MYO18B: variants seen among roughly 807,000 people sequenced by gnomAD.
MYO18B encodes the protein myosin XVIIIB.
In MYO18B, 204 loss-of-function variants were observed where a neutral mutation model predicts 273.0. The observed-to-expected ratio is 0.75, with a 90% CI of 0.67 to 0.84. The LOEUF (loss-of-function observed/expected upper bound fraction) is 0.84, where lower values mean the gene tolerates loss of function less well. MYO18B is among the 40% of genes least tolerant of loss of function. MYO18B has a pLI of 0.00. For missense variants in MYO18B, 3,212 were observed against 3,287.6 expected (o/e 0.98, Z 0.56); for synonymous variants, 1,330 against 1,305.7 (o/e 1.02, Z -0.40).
intron 33 of MYO18B, 76 bp downstream of exon 33, chr22:25,911,126 C>T: frequency 3.7e-6 from 4 of 1,072,538 alleles, no homozygotes; most frequent in Non-Finnish European, 5.6e-6. Context: ...ATGGAGAGAA[C>T]AGCCTGAGGG....
At chr22:25,821,742 A>G (rs2089289644) in intron 12 of MYO18B, among the ~76,000 whole-genome samples, 1 of 152,184 alleles carries the variant, frequency 6.6e-6, no homozygotes, top group Non-Finnish European at 1.5e-5. Context: ...GTGCCACTGC[A>G]CTCCAGCCTG....
intron 40 of MYO18B, among the ~76,000 whole-genome samples, chr22:26,000,243 C>T (rs1933824987): frequency 6.6e-6 from 1 of 151,710 alleles, no homozygotes; most frequent in Non-Finnish European, 1.5e-5. Flanking sequence ...AAACGTCCTC[C>T]TTATTGTAGA....
chr22:25,889,923 C>T (rs2091612190), intron 25 of MYO18B, among the ~76,000 whole-genome samples: 1 of 152,340 alleles, frequency 6.6e-6, no homozygotes, highest in African/African-American at 2.4e-5. Flanking sequence ...TCCTAATATA[C>T]AACCGTATGA....
At chr22:26,003,509 T>C (rs1436122229) in intron 41 of MYO18B, among the ~76,000 whole-genome samples, 200 bp downstream of exon 41, 1 of 152,204 alleles carries the variant, frequency 6.6e-6, no homozygotes, top group East Asian at 1.9e-4. Context: ...GAAAGAAGCC[T>C]ATGCCTTCTC....
chr22:25,786,158 A>C (rs568128217), intron 11 of MYO18B, among the ~76,000 whole-genome samples: 1 of 152,316 alleles, frequency 6.6e-6, no homozygotes, highest in African/African-American at 2.4e-5. Context: ...GTGTTGTGTT[A>C]GGTGTATGTT....
At chr22:25,971,657 T>C (rs1180060625) in intron 39 of MYO18B, among the ~76,000 whole-genome samples, 3 of 152,218 alleles carry the variant, frequency 2.0e-5, no homozygotes, top group Admixed American at 1.3e-4. Context: ...TGCCTTCCTG[T>C]GTTCAGACTA....
intron 1 of MYO18B, among the ~76,000 whole-genome samples, chr22:25,752,373 G>T (rs193127707): frequency 6.6e-6 from 1 of 151,014 alleles, no homozygotes; most frequent in African/African-American, 2.4e-5. Context: ...ATTTTTAGTA[G>T]AGACGGGGTT....
chr22:26,018,327 C>T (rs1935544193), intron 42 of MYO18B, among the ~76,000 whole-genome samples: 1 of 152,034 alleles, frequency 6.6e-6, no homozygotes, highest in African/African-American at 2.4e-5. Flanking sequence ...TCAGGAGTGG[C>T]CAGGCATGGG....
At chr22:25,834,204 T>G (rs1389738281) in intron 16 of MYO18B, among the ~76,000 whole-genome samples, 1 of 151,782 alleles carries the variant, frequency 6.6e-6, no homozygotes, top group Non-Finnish European at 1.5e-5. Context: ...TGGAGTGCAG[T>G]GGCACGATCT....
At chr22:26,006,978 G>A (rs5761352) in intron 42 of MYO18B, among the ~76,000 whole-genome samples, 12,881 of 152,230 alleles carry the variant, frequency 0.085, 1,439 homozygotes, top group African/African-American at 0.25. Context: ...AGCTCCTGCA[G>A]TGGCCCCTCA....
At chr22:26,062,234 C>A in the MYO18B span, among the ~76,000 whole-genome samples, 1 of 152,176 alleles carries the variant, frequency 6.6e-6, no homozygotes, top group South Asian at 2.1e-4. Flanking sequence ...CTGCCATCAT[C>A]TTCAACAACA....
chr22:25,916,479 A>T (rs988630171), intron 33 of MYO18B, among the ~76,000 whole-genome samples: 4 of 152,142 alleles, frequency 2.6e-5, no homozygotes, highest in Admixed American at 6.5e-5. Flanking sequence ...AAGATAATAC[A>T]TTTACCTGGA....
At chr22:25,884,355 C>T (rs142155379) in intron 25 of MYO18B, among the ~76,000 whole-genome samples, 170 of 152,322 alleles carry the variant, frequency 1.1e-3, no homozygotes, top group African/African-American at 3.8e-3. Context: ...ATAGTCCTGC[C>T]ACAGCATCAT....
chr22:25,797,529 G>C (rs1362744374), intron 11 of MYO18B, among the ~76,000 whole-genome samples: 2 of 151,998 alleles, frequency 1.3e-5, no homozygotes, highest in Non-Finnish European at 2.9e-5. Flanking sequence ...ACCCTATATG[G>C]CCTATGTATC....
chr22:25,854,686 GC>G (rs1464414553), intron 21 of MYO18B, among the ~76,000 whole-genome samples: 3 of 152,084 alleles, frequency 2.0e-5, no homozygotes, highest in African/African-American at 7.2e-5. Context: ...CTCCCCTCAG[GC>G]TCTGGCCATC....
chr22:25,796,678 G>T (rs567690930), intron 11 of MYO18B, among the ~76,000 whole-genome samples: 12 of 152,222 alleles, frequency 7.9e-5, no homozygotes, highest in African/African-American at 2.6e-4. Flanking sequence ...TAGTGGGAAA[G>T]CTCAGTTGGT....
Position 26,029,755 on chromosome 22 carries a change from T to G in MYO18B, c.*13-688T>G, listed in dbSNP as rs187472162. 5.9e-5 allele frequency among the ~76,000 whole-genome samples: 9 copies of G among 152,316 alleles called. No homozygotes were observed. In the East Asian group the frequency reaches 1.3e-3, roughly 23 times the overall value. On this transcript the variant is annotated intron_variant, in intron 43 of 43. Coordinates refer to ENST00000335473, the MANE Select transcript of MYO18B (RefSeq NM_032608.7). ...TCAGTTCTGCCCTGTAACTAGCCAT[T>G]GGACCCTAGGCAAGTGATACAGTCT...
chr22:26,023,869 C>T (rs768258630), intron 42 of MYO18B, among the ~76,000 whole-genome samples: 6 of 152,132 alleles, frequency 3.9e-5, no homozygotes, highest in African/African-American at 1.2e-4. Context: ...GCTGTGTATT[C>T]GAGGAGGGAT....
In MYO18B at chr22:26,027,621, G is replaced by A. The variant is rs758228335; in HGVS notation, c.7647G>A (p.Gly2549=). 5.6e-6 allele frequency: 9 copies of A among 1,613,776 alleles called. No individual in the cohort carries two copies. Among genetic ancestry groups the A allele is most frequent in the Non-Finnish European group, 7.6e-6 (9 of 1,179,872 alleles). ...ERTSPERREP[G]TGRKDDDVAS... is the part of the protein sequence containing the mutation. ...CGTCCCCCGAGCGGAGAGAGCCAGGGACGGGGAGGAAAGACGACGATGTTG... is the reference window on the plus strand; with the variant it reads ...CGTCCCCCGAGCGGAGAGAGCCAGGAACGGGGAGGAAAGACGACGATGTTG... Residue 2549 remains glycine (G), a synonymous_variant, in exon 43 of 44, where the codon GGG becomes GGA. Coordinates refer to ENST00000335473, the MANE Select transcript of MYO18B (RefSeq NM_032608.7). The surrounding 1 kb of genome is among the most constrained non-coding windows in gnomAD (Gnocchi z 4.1).
Sources: allele counts gnomAD v4.1 joint callset (sites outside exome capture counted in the v4.1 genomes callset), GRCh38; gene constraint gnomAD v4.1.1; non-coding constraint Gnocchi (gnomAD v3.1); transcripts MANE v1.5; gene names NCBI Gene and HGNC (gene_info 2026-07-23, HGNC 2026-07-21).